Variants in CFAP47 observed in about 807,000 individuals in gnomAD.
CFAP47 encodes the protein cilia and flagella associated protein 47.
In CFAP47, 29 loss-of-function variants were observed where a neutral mutation model predicts 148.1. That is an observed-to-expected ratio of 0.20 (90% CI 0.15 to 0.27). The LOEUF (loss-of-function observed/expected upper bound fraction) is 0.27. Among genes scored for constraint, CFAP47 ranks in the 10% least tolerant of loss-of-function variants. The pLI is 1.00. For synonymous variants in CFAP47, 664 were observed against 577.3 expected, an observed-to-expected ratio of 1.15 and a Z score of -2.15; for missense variants, 1,872 against 1,697.5, an observed-to-expected ratio of 1.10 and a Z score of -1.81.
chrX:36,012,608 G>A (rs2053250966), intron 21 of CFAP47, among the ~76,000 whole-genome samples: 1 of 111,193 alleles, frequency 9.0e-6, no homozygotes, highest in African/African-American at 3.3e-5. Flanking sequence ...AGTGGGAGTT[G>A]AACAATGAGA....
At chrX:36,053,114 A>T (rs1937528369) in intron 26 of CFAP47, among the ~76,000 whole-genome samples, 1 of 111,900 alleles carries the variant, frequency 8.9e-6, no homozygotes, top group South Asian at 3.7e-4. Flanking sequence ...TTGGATATTT[A>T]AAATAAGTAT....
At chrX:36,378,832 C>G (rs958192521) in intron 62 of CFAP47, among the ~76,000 whole-genome samples, 2 of 108,829 alleles carry the variant, frequency 1.8e-5, no homozygotes, top group African/African-American at 3.4e-5. Flanking sequence ...TGAGCCACTG[C>G]GCTGTGTCTT....
chrX:36,010,430 T>C (rs1937025588), intron 21 of CFAP47, among the ~76,000 whole-genome samples: 1 of 109,860 alleles, frequency 9.1e-6, no homozygotes, highest in African/African-American at 3.3e-5. Context: ...TCCTCTCATT[T>C]GTTTACTGTC....
At chrX:36,194,626 A>C (rs1256846561) in intron 42 of CFAP47, among the ~76,000 whole-genome samples, 1 of 111,724 alleles carries the variant, frequency 9.0e-6, no homozygotes, top group Non-Finnish European at 1.9e-5. Flanking sequence ...ATTGTGGCAG[A>C]AGGAGAAGGA....
At chrX:36,216,365 T>C (rs1392846221) in intron 45 of CFAP47, among the ~76,000 whole-genome samples, 1 of 111,664 alleles carries the variant, frequency 9.0e-6, no homozygotes, top group Non-Finnish European at 1.9e-5. Context: ...CCAATTTCTA[T>C]CTCAGGAGTG....
At chrX:36,364,943 T>TATATATAC (rs1304339120) in intron 61 of CFAP47, among the ~76,000 whole-genome samples, 3 of 73,593 alleles carry the variant, frequency 4.1e-5, no homozygotes, top group African/African-American at 4.2e-5. Flanking sequence ...TATATATATA[T>TATATATAC]ACACACACAC....
chrX:36,066,599 T>C (rs899847650), intron 27 of CFAP47, among the ~76,000 whole-genome samples: 4 of 111,768 alleles, frequency 3.6e-5, no homozygotes, highest in Admixed American at 1.9e-4. Flanking sequence ...GCCAGGGCTC[T>C]CTCTTGCCTT....
rs771212152 is a variant in CFAP47 at position 36,154,760 on chromosome X, C to T, written c.5787-4666C>T. Among the ~76,000 whole-genome samples the T allele has an allele frequency of 3.7e-5, 4 of 109,066 alleles. No individual in the cohort carries two copies. In the South Asian group the frequency reaches 1.2e-3, roughly 32 times the overall value. 94.7% of individuals were successfully genotyped at this position (109,066 alleles called of 115,157 possible). A position where few individuals can be genotyped will look rare whatever the true frequency, so the allele number is the denominator to read the frequency against. On this transcript the variant is annotated intron_variant, in intron 37 of 63. Transcript: ENST00000378653. ...CTACAGCTGTGTTATTTTGAGCCTG[C>T]ACCATAATCACCCTTTATGGCCTTT...
At chrX:36,049,710 C>T (rs1240878087) in intron 26 of CFAP47, among the ~76,000 whole-genome samples, 1 of 111,733 alleles carries the variant, frequency 8.9e-6, no homozygotes, top group South Asian at 3.8e-4. Context: ...ATTCAAAGAA[C>T]GTAGTTGTTG....
At chrX:36,346,671 G>A (rs1347655322) in intron 57 of CFAP47, among the ~76,000 whole-genome samples, 1 of 111,849 alleles carries the variant, frequency 8.9e-6, no homozygotes, top group Non-Finnish European at 1.9e-5. Context: ...GTTAAGATAT[G>A]AAAAGACTCA....
chrX:36,266,944 A>G (rs1056849886), intron 49 of CFAP47, among the ~76,000 whole-genome samples: 1 of 108,581 alleles, frequency 9.2e-6, no homozygotes, highest in Non-Finnish European at 1.9e-5. Flanking sequence ...CCTCTCTTCA[A>G]CCTCTCTCAG....
intron 1 of CFAP47, among the ~76,000 whole-genome samples, chrX:35,923,888 T>C (rs1296702132): frequency 1.1e-5 from 1 of 89,570 alleles, no homozygotes; most frequent in African/African-American, 6.2e-5. Flanking sequence ...TATGTACATA[T>C]ATATGTGTAT....
intron 23 of CFAP47, among the ~76,000 whole-genome samples, chrX:36,031,680 T>C (rs1049208779): frequency 9.1e-6 from 1 of 109,828 alleles, no homozygotes; most frequent in African/African-American, 3.3e-5. Context: ...TTTAAATTAA[T>C]ATGAAATATA....
chrX:36,037,301 A>G (rs1450572512), intron 24 of CFAP47, among the ~76,000 whole-genome samples: 2 of 111,134 alleles, frequency 1.8e-5, no homozygotes, highest in Non-Finnish European at 3.8e-5. Flanking sequence ...TAGCAGTCAT[A>G]TCTGTCGTTT....
At chrX:36,198,351 A>C (rs1339201245) in intron 42 of CFAP47, among the ~76,000 whole-genome samples, 1 of 112,114 alleles carries the variant, frequency 8.9e-6, no homozygotes, top group Non-Finnish European at 1.9e-5. Context: ...AAAGATCTGG[A>C]ATACATGGAA....
At position 36,348,270 on chromosome X, in the gene CFAP47, T is replaced by C; in HGVS notation, c.8585T>C (p.Leu2862Ser). 2.9e-6 allele frequency: 3 copies of C among 1,020,733 alleles called. No homozygotes were observed. The highest frequency in any genetic ancestry group is 6.2e-5 in the South Asian group (2 of 32,239). The allele number at this position is 1,020,733 out of a possible 1,213,427, so 84.1% of individuals were successfully genotyped here. The change falls in exon 58 of 64, where the codon TTG (leucine) becomes TCG (serine). Residue 2862 changes from leucine (L) to serine (S), a missense_variant. By Grantham distance (145) the Leu-to-Ser change is moderately radical. Transcript: ENST00000378653. The stretch of plus-strand genomic sequence containing the variant: ...TGGCCTATTGACAATTTTGATGAGT[T>C]GGATATAAAATTTAAAAGGTAACAT... ...KYWPIDNFDE[L>S]DIKFKSIVGI...
At chrX:36,116,566 G>T (rs1398583229) in intron 33 of CFAP47, among the ~76,000 whole-genome samples, 3 of 111,956 alleles carry the variant, frequency 2.7e-5, no homozygotes, top group African/African-American at 9.7e-5. Context: ...TTTGTTTAGT[G>T]GACATTTTAA....
At chrX:36,199,721 G>A (rs782598636) in intron 42 of CFAP47, among the ~76,000 whole-genome samples, 2 of 111,312 alleles carry the variant, frequency 1.8e-5, no homozygotes, top group South Asian at 7.5e-4. Context: ...CTAGCATATG[G>A]CATTTTATGG....
intron 8 of CFAP47, among the ~76,000 whole-genome samples, chrX:35,958,536 A>C (rs2087925096): frequency 9.0e-6 from 1 of 111,657 alleles, no homozygotes; most frequent in South Asian, 3.7e-4. Flanking sequence ...CCTCCACCAC[A>C]CTTGTTAATG....
Sources: gnomAD v4.1 joint callset for allele counts (sites outside exome capture counted in the v4.1 genomes callset) on GRCh38, gnomAD v4.1.1 for gene constraint, MANE v1.5 for transcripts, NCBI Gene and HGNC (gene_info 2026-07-23, HGNC 2026-07-21) for gene names.